UGGT2: variants seen among roughly 807,000 people sequenced by gnomAD.
UGGT2 encodes the protein UDP-glucose:glycoprotein glucosyltransferase 2.
UGGT2 carries 180 observed loss-of-function variants against 192.1 expected under a neutral mutation model. That is an observed-to-expected ratio of 0.94 (90% CI 0.83 to 1.06). UGGT2 has a LOEUF of 1.06. Among genes scored for constraint, UGGT2 ranks in the 50% least tolerant of loss-of-function variants. The probability of loss-of-function intolerance (pLI) is 0.00; values close to 1 mark genes in which losing one functional copy is unlikely to be tolerated. For missense variants in UGGT2, 1,849 were observed against 1,795.7 expected (o/e 1.03, Z -0.54); for synonymous variants, 580 against 591.0 (o/e 0.98, Z 0.27).
At chr13:96,010,585 T>C (rs1422064408) in intron 5 of UGGT2, among the ~76,000 whole-genome samples, 1 of 152,006 alleles carries the variant, frequency 6.6e-6, no homozygotes, top group Non-Finnish European at 1.5e-5. Flanking sequence ...ATAAATGGCA[T>C]ATAGGTTGAA....
At chr13:95,818,680 C>T (rs539291329) in intron 38 of UGGT2, among the ~76,000 whole-genome samples, 26 of 152,200 alleles carry the variant, frequency 1.7e-4, no homozygotes, top group Non-Finnish European at 3.2e-4. Flanking sequence ...GTAGCTTGAA[C>T]AGGGCAGGAC....
intron 38 of UGGT2, among the ~76,000 whole-genome samples, chr13:95,802,198 C>T (rs1566527752): frequency 6.6e-6 from 1 of 152,118 alleles, no homozygotes; most frequent in African/African-American, 2.4e-5. Flanking sequence ...CAACAGAAAG[C>T]AGAGGACATA....
At chr13:95,891,296 CT>C (rs1231785239) in intron 24 of UGGT2, among the ~76,000 whole-genome samples, 3 of 152,012 alleles carry the variant, frequency 2.0e-5, no homozygotes, top group African/African-American at 7.2e-5. Context: ...AGCTAAGATG[CT>C]TTTGTGTTAG....
intron 15 of UGGT2, among the ~76,000 whole-genome samples, chr13:95,943,601 G>A (rs2049764877): frequency 6.6e-6 from 1 of 151,902 alleles, no homozygotes; most frequent in Non-Finnish European, 1.5e-5. Context: ...ATAAATATTT[G>A]TTGTTAGAAG....
At position 96,032,026 on chromosome 13, in the gene UGGT2, T is replaced by C. The variant is rs984594860; in HGVS notation, c.159-55A>G. The stretch of plus-strand genomic sequence containing the variant: ...TAGATGGAATTTAAAATGGTTTAGA[T>C]ACTATAAACTGTACTCAAGAACCAA... On this transcript the variant is annotated intron_variant, in intron 1 of 38. Coordinates refer to ENST00000376747, the MANE Select transcript of UGGT2 (RefSeq NM_020121.4). The C allele has an allele frequency of 2.9e-5, 38 of 1,317,060 alleles. No homozygotes were observed. In the Admixed American group the frequency reaches 7.2e-4, roughly 25 times the overall value. 81.6% of individuals were successfully genotyped at this position (1,317,060 alleles called of 1,614,324 possible). A position where few individuals can be genotyped will look rare whatever the true frequency, so the allele number is the denominator to read the frequency against.
intron 33 of UGGT2, 180 bp from the exon 34 acceptor site, chr13:95,856,520 T>C: frequency 1.7e-6 from 1 of 573,742 alleles, no homozygotes; most frequent in Admixed American, 3.7e-5. Context: ...TGCTAACAAA[T>C]ATGAAATCAC....
intron 38 of UGGT2, among the ~76,000 whole-genome samples, chr13:95,812,245 T>C (rs1196948441): frequency 6.6e-6 from 1 of 152,152 alleles, no homozygotes; most frequent in East Asian, 1.9e-4. Context: ...TACCACAAGT[T>C]ATTACTCTTT....
Position 96,016,784 on chromosome 13 carries a change from G to T in UGGT2, c.486-3303C>A, listed in dbSNP as rs144629724. ...ATACTGCCTAGTGGAGCTAGTGGAG[G>T]GGGGGCTGCAACCCTTCAGAACCAA... On this transcript the variant is annotated intron_variant, in intron 4 of 38. Coordinates refer to ENST00000376747, the MANE Select transcript of UGGT2 (RefSeq NM_020121.4). 2.6e-3 allele frequency among the ~76,000 whole-genome samples: 392 copies of T among 152,284 alleles called. 5 individuals carry two copies. The highest frequency in any genetic ancestry group is 9.0e-3 in the African/African-American group (374 of 41,570).
Position 95,927,129 on chromosome 13 carries a change from G to A in UGGT2, c.2102-3C>T. 3 of 1,607,332 alleles carry A rather than the reference G, an allele frequency of 1.9e-6. No individual in the cohort carries two copies. Among genetic ancestry groups the A allele is most frequent in the Non-Finnish European group, 2.5e-6 (3 of 1,178,240 alleles). On this transcript the variant is annotated splice_polypyrimidine_tract_variant and splice_region_variant and intron_variant, in intron 18 of 38. Transcript: ENST00000376747. Reference sequence around the variant, plus strand: ...GAAATCTTCAACATCAGCAGTTACTGAAAAATTTCAAATTAAACGTTAAAT... The same window carrying A: ...GAAATCTTCAACATCAGCAGTTACTAAAAAATTTCAAATTAAACGTTAAAT...
Position 95,863,805 on chromosome 13 carries a change from C to T in UGGT2, c.3559-91G>A, listed in dbSNP as rs973670766. On this transcript the variant is annotated intron_variant, in intron 30 of 38. Coordinates refer to ENST00000376747, the MANE Select transcript of UGGT2 (RefSeq NM_020121.4). ...GTGAAACATATTGGGCGAGATTACC[C>T]ATAGAAATCTAAGATTGACAGTTGC... 1.0e-5 allele frequency: 10 copies of T among 989,248 alleles called. No individual in the cohort carries two copies. In the East Asian group the frequency reaches 1.2e-4, roughly 12 times the overall value. 61.3% of individuals were successfully genotyped at this position (989,248 alleles called of 1,614,324 possible). A position where few individuals can be genotyped will look rare whatever the true frequency, so the allele number is the denominator to read the frequency against.
At position 96,036,934 on chromosome 13, in the gene UGGT2, A is replaced by C. The variant is rs116823379; in HGVS notation, c.159-4963T>G. Among the ~76,000 whole-genome samples, 1,424 of 152,284 alleles carry C rather than the reference A, an allele frequency of 9.4e-3. 27 individuals carry two copies. Among genetic ancestry groups the C allele is most frequent in the African/African-American group, 0.033 (1,364 of 41,556 alleles). On this transcript the variant is annotated intron_variant, in intron 1 of 38. Transcript: ENST00000376747. ...CATGCCCAGTTCACTCTTTTGGACA[A>C]AGTTTTTTTAAAGGTAACAAGCTGG...
chr13:95,935,215 G>A (rs73560827), intron 17 of UGGT2, among the ~76,000 whole-genome samples: 3,246 of 152,186 alleles, frequency 0.021, 78 homozygotes, highest in African/African-American at 0.06. Flanking sequence ...ATTGGTACAC[G>A]AGGTTTTGAT....
chr13:95,893,591 T>C (rs2047862828), intron 24 of UGGT2, among the ~76,000 whole-genome samples: 2 of 152,194 alleles, frequency 1.3e-5, no homozygotes, highest in Admixed American at 1.3e-4. Flanking sequence ...AGAGTGTGAC[T>C]TTAATGTAGA....
intron 10 of UGGT2, among the ~76,000 whole-genome samples, chr13:95,981,141 G>T (rs536717979): frequency 6.6e-6 from 1 of 152,154 alleles, no homozygotes; most frequent in Non-Finnish European, 1.5e-5. Flanking sequence ...GAGCTCTGCA[G>T]TACCCCCAAG....
chr13:95,832,149 G>C (rs1436542130), intron 38 of UGGT2, among the ~76,000 whole-genome samples: 1 of 151,560 alleles, frequency 6.6e-6, no homozygotes, highest in Non-Finnish European at 1.5e-5. Flanking sequence ...TGAGGAAAAT[G>C]AGAACTGTAT....
intron 17 of UGGT2, among the ~76,000 whole-genome samples, chr13:95,928,306 A>C (rs1336634143): frequency 2.0e-5 from 3 of 149,272 alleles, no homozygotes; most frequent in Non-Finnish European, 4.5e-5. Flanking sequence ...GCTGCCCCCC[A>C]CCTCCCCGAC....
At chr13:95,928,344 CCCCACCTCCCGGACAGGACGGCTGCCG>C in intron 17 of UGGT2, among the ~76,000 whole-genome samples, 1 of 151,680 alleles carries the variant, frequency 6.6e-6, no homozygotes, top group Non-Finnish European at 1.5e-5. Context: ...GAGGGCTGCC[CCCCACCTCCCGGACAGGACGGCTGCCG>C]GGCGGAGACG....
chr13:95,990,772 C>T (rs528078347), intron 7 of UGGT2: 4 of 152,180 alleles, frequency 2.6e-5, no homozygotes, highest in South Asian at 2.1e-4. Flanking sequence ...ATGTGTAGAA[C>T]GTGCAGGTTT....
At chr13:95,978,222 GAA>G (rs377031254) in intron 10 of UGGT2, among the ~76,000 whole-genome samples, 3 of 151,934 alleles carry the variant, frequency 2.0e-5, no homozygotes, top group Non-Finnish European at 4.4e-5. Context: ...TTACAAAAAA[GAA>G]AAAAGTCATT....
Sources: gnomAD v4.1 joint callset for allele counts (sites outside exome capture counted in the v4.1 genomes callset) on GRCh38, gnomAD v4.1.1 for gene constraint, MANE v1.5 for transcripts, NCBI Gene and HGNC (gene_info 2026-07-23, HGNC 2026-07-21) for gene names.